Variants in ATRNL1 observed in about 807,000 individuals in gnomAD.
ATRNL1 encodes the protein attractin-like protein 1.
Under a neutral mutation model 182.7 loss-of-function variants are expected in ATRNL1, and 95 were observed. The ratio of observed to expected loss-of-function variants is 0.52; its 90% CI spans 0.44 to 0.62. The LOEUF (loss-of-function observed/expected upper bound fraction) is 0.62. Ranked by LOEUF, ATRNL1 falls within the 20% of genes least tolerant of loss-of-function variation. The pLI, the probability that ATRNL1 is intolerant of heterozygous loss-of-function variation, is 0.00. For missense variants in ATRNL1, 1,471 were observed against 1,679.5 expected, an observed-to-expected ratio of 0.88 and a Z score of 2.17; for synonymous variants, 576 against 568.3, an observed-to-expected ratio of 1.01 and a Z score of -0.19.
intron 1 of ATRNL1, among the ~76,000 whole-genome samples, chr10:115,109,053 T>TA (rs1276935149): frequency 6.6e-6 from 1 of 152,188 alleles, no homozygotes; most frequent in East Asian, 1.9e-4. Flanking sequence ...TCATAAGCAC[T>TA]AATGTAATCT....
At chr10:115,914,146 G>A (rs1221810473) in intron 28 of ATRNL1, among the ~76,000 whole-genome samples, 2 of 152,148 alleles carry the variant, frequency 1.3e-5, no homozygotes, top group Non-Finnish European at 2.9e-5. Flanking sequence ...CTGCCACCAT[G>A]TGAAGAAGAA....
intron 27 of ATRNL1, among the ~76,000 whole-genome samples, chr10:115,746,143 G>A (rs1948286307): frequency 6.6e-6 from 1 of 151,996 alleles, no homozygotes; most frequent in African/African-American, 2.4e-5. Context: ...CTGACTCATG[G>A]CCAATCTTGT....
At chr10:115,136,795 T>C (rs2143780510) in intron 5 of ATRNL1, among the ~76,000 whole-genome samples, 1 of 152,360 alleles carries the variant, frequency 6.6e-6, no homozygotes, top group Admixed American at 6.5e-5. Flanking sequence ...CAGCACTGAA[T>C]AATATTCCAT....
intron 19 of ATRNL1, among the ~76,000 whole-genome samples, chr10:115,362,868 G>T (rs1400380028): frequency 6.6e-6 from 1 of 150,816 alleles, no homozygotes; most frequent in African/African-American, 2.4e-5. Flanking sequence ...TTTTATGGCT[G>T]CATAGTATTC....
At position 115,281,340 on chromosome 10, in the gene ATRNL1, C is replaced by A; in HGVS notation, c.2101-15C>A. 6.2e-7 allele frequency: 1 copy of A among 1,604,792 alleles called. No homozygotes were observed. Among genetic ancestry groups the A allele is most frequent in the Non-Finnish European group, 8.5e-7 (1 of 1,175,772 alleles). On this transcript the variant is annotated splice_polypyrimidine_tract_variant and intron_variant, in intron 13 of 28. Transcript: ENST00000355044. ...GTACAAAGGTGAAAAATAACATGCT[C>A]TTTTAATTTTGTAGTCTGTCAAGAA... is the stretch of plus-strand genomic sequence containing the variant.
At chr10:115,300,378 A>T (rs1212548802) in intron 16 of ATRNL1, 131 bp downstream of exon 16, 4 of 647,876 alleles carry the variant, frequency 6.2e-6, no homozygotes, top group Non-Finnish European at 1.0e-5. Flanking sequence ...ATTCTTCCCC[A>T]CTTACTATTA....
At chr10:115,656,224 A>T (rs546023866) in intron 26 of ATRNL1, among the ~76,000 whole-genome samples, 182 of 152,354 alleles carry the variant, frequency 1.2e-3, no homozygotes, top group African/African-American at 4.3e-3. Context: ...AATGAAACTC[A>T]TCACCAGCAT....
chr10:115,761,114 A>T (rs78337399), intron 27 of ATRNL1, among the ~76,000 whole-genome samples: 1 of 1,232 alleles, frequency 8.1e-4, no homozygotes, highest in South Asian at 0.036. Context: ...GCTCTTTTTT[A>T]AAAAAATCAA....
chr10:115,516,453 G>T (rs1850641725), intron 24 of ATRNL1, among the ~76,000 whole-genome samples: 1 of 151,732 alleles, frequency 6.6e-6, no homozygotes. Context: ...ATTGCCTTAT[G>T]ACTAGAAAAA....
chr10:115,345,692 A>G (rs1237062265), intron 19 of ATRNL1, among the ~76,000 whole-genome samples: 3 of 152,174 alleles, frequency 2.0e-5, no homozygotes, highest in South Asian at 2.1e-4. Context: ...CTGTGTCTCT[A>G]TCACCTTTAT....
At position 115,859,456 on chromosome 10, in the gene ATRNL1, T is replaced by C. The variant is rs145898976; in HGVS notation, c.4018+11465T>C. The stretch of plus-strand genomic sequence containing the variant: ...TAATTCACCTCTTACCAGCAGGCAG[T>C]ACTGCACAATTCTGCCACACAGAGC... On this transcript the variant is annotated intron_variant, in intron 28 of 28. Coordinates refer to ENST00000355044, the MANE Select transcript of ATRNL1 (RefSeq NM_207303.4). Among the ~76,000 whole-genome samples, 341 of 152,236 alleles carry C rather than the reference T, an allele frequency of 2.2e-3. 5 individuals carry two copies. Among genetic ancestry groups the C allele is most frequent in the Admixed American group, 0.02 (301 of 15,282 alleles).
rs1447600508 is a variant in ATRNL1, at chr10:115,362,594, T to C, written c.3175+28175T>C. ...TGCAGGTTAGTTACATATGTATACA[T>C]GTGCCATGCTGGTGTGCTGCACCCA... On this transcript the variant is annotated intron_variant, in intron 19 of 28. Transcript: ENST00000355044. Among the ~76,000 whole-genome samples the C allele has an allele frequency of 2.7e-4, 41 of 151,952 alleles. 1 individual carries two copies. Among genetic ancestry groups the C allele is most frequent in the Non-Finnish European group, 1.3e-4 (9 of 67,978 alleles).
chr10:115,287,742 CTA>C (rs1192202535), intron 15 of ATRNL1, among the ~76,000 whole-genome samples: 3 of 152,028 alleles, frequency 2.0e-5, no homozygotes, highest in Non-Finnish European at 2.9e-5. Context: ...CCATTTGAAA[CTA>C]TGTGATATAT....
chr10:115,544,221 A>C (rs947078418), intron 25 of ATRNL1, among the ~76,000 whole-genome samples: 1 of 152,188 alleles, frequency 6.6e-6, no homozygotes, highest in Non-Finnish European at 1.5e-5. Flanking sequence ...AGCTAACTGG[A>C]ATACACAAAC....
intron 27 of ATRNL1, among the ~76,000 whole-genome samples, chr10:115,819,564 T>C (rs1381334626): frequency 6.6e-6 from 1 of 152,068 alleles, no homozygotes; most frequent in Non-Finnish European, 1.5e-5. Flanking sequence ...TCTCACCAAA[T>C]CCATCCCTTT....
chr10:115,642,692 G>A (rs1055300733), intron 26 of ATRNL1, among the ~76,000 whole-genome samples: 31 of 152,210 alleles, frequency 2.0e-4, no homozygotes, highest in Non-Finnish European at 2.9e-4. Flanking sequence ...TGATCCGCCC[G>A]CCTTGGCCTC....
intron 28 of ATRNL1, among the ~76,000 whole-genome samples, chr10:115,882,507 A>G (rs1487495074): frequency 6.6e-6 from 1 of 152,084 alleles, no homozygotes; most frequent in Admixed American, 6.5e-5. Flanking sequence ...CTTCATTCAC[A>G]TGTGCTATTT....
chr10:115,093,676 G>C lies in ATRNL1; in HGVS notation c.-75G>C, dbSNP rs1019461084. ...AAGCGGCGGCGGAGAGGTTTTCTGC[G>C]GCCGGAATTCCCTTCAACAGCATCC... On this transcript the variant is annotated 5_prime_UTR_variant, in exon 1 of 29. Transcript: ENST00000355044. This position sits in a 1 kb window ranked among gnomAD's most constrained non-coding sequence, Gnocchi z 6.1. 3 of 1,417,862 alleles carry C rather than the reference G, an allele frequency of 2.1e-6. No individual in the cohort carries two copies. The highest frequency in any genetic ancestry group is 1.5e-5 in the African/African-American group (1 of 67,588). 87.8% of individuals were successfully genotyped at this position (1,417,862 alleles called of 1,614,324 possible).
chr10:115,610,471 C>T lies in ATRNL1; in HGVS notation c.3795+60935C>T, dbSNP rs1420445155. On this transcript the variant is annotated intron_variant, in intron 26 of 28. Transcript: ENST00000355044. Reference sequence around the variant, plus strand: ...CCTTATCAAGAATTTTCATTTCTTGCTTGCACACTCCCCAAAATGGTACTT... The same window carrying T: ...CCTTATCAAGAATTTTCATTTCTTGTTTGCACACTCCCCAAAATGGTACTT... 2.0e-5 allele frequency among the ~76,000 whole-genome samples: 3 copies of T among 152,090 alleles called. No homozygotes were observed. In the East Asian group the frequency reaches 5.8e-4, roughly 29 times the overall value.
Sources: allele counts gnomAD v4.1 joint callset (sites outside exome capture counted in the v4.1 genomes callset), GRCh38; gene constraint gnomAD v4.1.1; non-coding constraint Gnocchi (gnomAD v3.1); transcripts MANE v1.5; gene names NCBI Gene and HGNC (gene_info 2026-07-23, HGNC 2026-07-21).